Variants in BBS5 observed in about 807,000 individuals in gnomAD.
BBS5 encodes the protein BBSome complex member BBS5.
Under a neutral mutation model 50.2 loss-of-function variants are expected in BBS5, and 39 were observed. The observed-to-expected ratio is 0.78, with a 90% CI of 0.60 to 1.01. The LOEUF (loss-of-function observed/expected upper bound fraction) is 1.01. Among genes scored for constraint, BBS5 ranks in the 50% least tolerant of loss-of-function variants. BBS5 has a pLI of 0.00. For synonymous variants in BBS5, 134 were observed against 133.1 expected (o/e 1.01, Z -0.05); for missense variants, 356 against 401.5 (o/e 0.89, Z 0.97).
rs1574345592 is a variant in BBS5, at chr2:169,504,871, G to C, written c.*289G>C. The C allele has an allele frequency of 5.0e-6, 8 of 1,613,130 alleles. No homozygotes were observed. The East Asian group carries it at 8.9e-5, about 18-fold the overall frequency. ...CTCAGGCCCGGGCGCTCCTACAGCA[G>C]TGCCTGCACGCCCGGCTGCAAATTC... On this transcript the variant is annotated 3_prime_UTR_variant, in exon 12 of 12. Coordinates refer to ENST00000295240, the MANE Select transcript of BBS5 (RefSeq NM_152384.3).
At chr2:169,499,686 G>C (rs532601451) in intron 9 of BBS5, 66 bp downstream of exon 9, 1 of 1,476,252 alleles carries the variant, frequency 6.8e-7, no homozygotes, top group Non-Finnish European at 9.5e-7. Flanking sequence ...TTCAGATGTA[G>C]ATACCACTGT....
intron 8 of BBS5, 119 bp downstream of exon 8, chr2:169,497,808 G>GA: frequency 5.7e-6 from 4 of 701,460 alleles, no homozygotes; most frequent in Non-Finnish European, 1.0e-5. Flanking sequence ...GCTTTAATAT[G>GA]AAGTTATATA....
In BBS5 at chr2:169,505,378, C is replaced by T; in HGVS notation, c.*796C>T. The T allele has an allele frequency of 5.7e-6, 2 of 350,428 alleles. No individual in the cohort carries two copies. The highest frequency in any genetic ancestry group is 1.7e-4 in the East Asian group (2 of 11,944). The allele number at this position is 350,428 out of a possible 1,614,324, so 21.7% of individuals were successfully genotyped here. ...GTGCAGCCTCTGCCCGGCCGCCACCCCGTCTGGGAAGTGAGGAGCGTCTCT... is the reference window on the plus strand; with the variant it reads ...GTGCAGCCTCTGCCCGGCCGCCACCTCGTCTGGGAAGTGAGGAGCGTCTCT... On this transcript the variant is annotated 3_prime_UTR_variant, in exon 12 of 12. Transcript: ENST00000295240.
chr2:169,479,687 G>C, intron 1 of BBS5, 75 bp downstream of exon 1: 1 of 1,516,530 alleles, frequency 6.6e-7, no homozygotes, highest in East Asian at 2.3e-5. Flanking sequence ...ACCCGCGGGC[G>C]GAGACTGCAC....
chr2:169,494,853 A>C lies in BBS5; in HGVS notation c.618+1017A>C, dbSNP rs1683666792. Among the ~76,000 whole-genome samples the C allele has an allele frequency of 3.3e-5, 5 of 152,226 alleles. No individual in the cohort carries two copies. In the South Asian group the frequency reaches 1.0e-3, roughly 31 times the overall value. ...TATAGTCTTAAGACTAAGGAGTTTT[A>C]TTAATATTTATTGAGTAGACAGAAT... On this transcript the variant is annotated intron_variant, in intron 7 of 11. Transcript: ENST00000295240.
intron 9 of BBS5, among the ~76,000 whole-genome samples, chr2:169,501,036 G>A (rs1423863913): frequency 6.6e-6 from 1 of 152,106 alleles, no homozygotes; most frequent in Non-Finnish European, 1.5e-5. Flanking sequence ...GCTACGAGTG[G>A]AATTTCTTAT....
At chr2:169,489,395 G>C (rs1358563071) in intron 5 of BBS5, among the ~76,000 whole-genome samples, 4 of 151,902 alleles carry the variant, frequency 2.6e-5, no homozygotes, top group African/African-American at 9.7e-5. Flanking sequence ...CCAGGGAGAT[G>C]GAGGTTGCAG....
In BBS5 at chr2:169,505,194, T is replaced by G. The variant is rs1215124194; in HGVS notation, c.*612T>G. On this transcript the variant is annotated 3_prime_UTR_variant, in exon 12 of 12. Transcript: ENST00000295240. The stretch of plus-strand genomic sequence containing the variant: ...CTGGTCTCCAGCTCCTAACCGCGAG[T>G]GATCCGCCAGCCTCGGCCTCCCGAG... 1 of 546,592 alleles carries G rather than the reference T, an allele frequency of 1.8e-6. No homozygotes were observed. Among genetic ancestry groups the G allele is most frequent in the Non-Finnish European group, 3.3e-6 (1 of 300,280 alleles). The allele number at this position is 546,592 out of a possible 1,614,324, so 33.9% of individuals were successfully genotyped here. A position where few individuals can be genotyped will look rare whatever the true frequency, so the allele number is the denominator to read the frequency against.
At chr2:169,502,707 AT>A (rs1361209372) in intron 9 of BBS5, among the ~76,000 whole-genome samples, 1 of 152,226 alleles carries the variant, frequency 6.6e-6, no homozygotes, top group Non-Finnish European at 1.5e-5. Flanking sequence ...TTCCATAAAA[AT>A]ATTAGTTCTT....
chr2:169,483,893 G>A (rs1683444395), intron 2 of BBS5, among the ~76,000 whole-genome samples: 1 of 152,148 alleles, frequency 6.6e-6, no homozygotes, highest in Non-Finnish European at 1.5e-5. Context: ...CTATCAAGAT[G>A]GCTGTATCTT....
At position 169,504,867 on chromosome 2, in the gene BBS5, A is replaced by T; in HGVS notation, c.*285A>T. On this transcript the variant is annotated 3_prime_UTR_variant, in exon 12 of 12. Transcript: ENST00000295240. ...ATTCCTCAGGCCCGGGCGCTCCTAC[A>T]GCAGTGCCTGCACGCCCGGCTGCAA... The T allele has an allele frequency of 6.2e-7, 1 of 1,613,006 alleles. No individual in the cohort carries two copies. Among genetic ancestry groups the T allele is most frequent in the Non-Finnish European group, 8.5e-7 (1 of 1,179,630 alleles).
In BBS5 at chr2:169,505,415, C is replaced by G. The variant is rs1024976159; in HGVS notation, c.*833C>G. 113 of 334,660 alleles carry G rather than the reference C, an allele frequency of 3.4e-4. 2 individuals carry two copies. The highest frequency in any genetic ancestry group is 5.8e-4 in the Non-Finnish European group (100 of 173,188). 20.7% of individuals were successfully genotyped at this position (334,660 alleles called of 1,614,324 possible). On this transcript the variant is annotated 3_prime_UTR_variant, in exon 12 of 12. Coordinates refer to ENST00000295240, the MANE Select transcript of BBS5 (RefSeq NM_152384.3). ...TGAGGAGCGTCTCTGCCTGGCTGCC[C>G]ATTGTCTGGGACGTGAGCAGCCCCT...
At chr2:169,504,426 C>G in intron 11 of BBS5, 55 bp from the exon 12 acceptor site, 1 of 1,586,846 alleles carries the variant, frequency 6.3e-7, no homozygotes, top group Non-Finnish European at 8.6e-7. Flanking sequence ...TTGTTTTTTT[C>G]CTCTTCCTTG....
At chr2:169,489,128 A>G (rs1683539421) in intron 5 of BBS5, among the ~76,000 whole-genome samples, 1 of 152,060 alleles carries the variant, frequency 6.6e-6, no homozygotes, top group Non-Finnish European at 1.5e-5. Context: ...AGTAGCTAGA[A>G]CTACAGGTGC....
chr2:169,489,489 A>G (rs1683552023), intron 5 of BBS5, among the ~76,000 whole-genome samples: 2 of 143,638 alleles, frequency 1.4e-5, no homozygotes, highest in African/African-American at 5.0e-5. Flanking sequence ...TTTTTTTTTT[A>G]GAGACGGGGT....
chr2:169,493,115 TATAG>T, intron 6 of BBS5, 106 bp downstream of exon 6: 1 of 1,350,400 alleles, frequency 7.4e-7, no homozygotes, highest in Non-Finnish European at 1.1e-6. Flanking sequence ...AAATTAGCAT[TATAG>T]GAAAGCGTAT....
rs142813498 is a variant in BBS5 at position 169,506,403 on chromosome 2, G to T, written c.*1821G>T. Reference sequence around the variant, plus strand: ...AAGATTGAGAAATCGGATGGTTGCCGTGTCTGTGTAGAAAGAAGTAGACAT... The same window carrying T: ...AAGATTGAGAAATCGGATGGTTGCCTTGTCTGTGTAGAAAGAAGTAGACAT... On this transcript the variant is annotated 3_prime_UTR_variant, in exon 12 of 12. Coordinates refer to ENST00000295240, the MANE Select transcript of BBS5 (RefSeq NM_152384.3). The T allele has an allele frequency of 0.039, 7,116 of 182,912 alleles. 182 individuals are homozygous for T. The highest frequency in any genetic ancestry group is 0.11 in the East Asian group (654 of 6,122). The allele number at this position is 182,912 out of a possible 1,614,324, so 11.3% of individuals were successfully genotyped here. A position where few individuals can be genotyped will look rare whatever the true frequency, so the allele number is the denominator to read the frequency against.
chr2:169,499,566 C>T lies in BBS5; in HGVS notation c.762C>T (p.His254=), dbSNP rs746503361. 2 of 1,613,616 alleles carry T rather than the reference C, an allele frequency of 1.2e-6. No homozygotes were observed. The highest frequency in any genetic ancestry group is 1.7e-6 in the Non-Finnish European group (2 of 1,179,628). Residue 254 remains histidine (H), a synonymous_variant, in exon 9 of 12, where the codon CAC becomes CAT. Coordinates refer to ENST00000295240, the MANE Select transcript of BBS5 (RefSeq NM_152384.3). ...QESVKEINSL[H]KVYSASPIFG... ...CAGTTAAGGAAATCAATTCACTTCA[C>T]AAAGTCTATTCTGCCAGTCCCATAT...
At chr2:169,493,188 A>G in intron 6 of BBS5, 179 bp downstream of exon 6, 4 of 704,230 alleles carry the variant, frequency 5.7e-6, no homozygotes, top group Non-Finnish European at 9.5e-6. Flanking sequence ...TTTCAATACA[A>G]TGAAATATCT....
Sources: gnomAD v4.1 joint callset for allele counts (sites outside exome capture counted in the v4.1 genomes callset) on GRCh38, gnomAD v4.1.1 for gene constraint, MANE v1.5 for transcripts, NCBI Gene and HGNC (gene_info 2026-07-23, HGNC 2026-07-21) for gene names.